The following CEP128 variants were observed in gnomAD, a reference collection of about 807,000 sequenced individuals.
CEP128 encodes centrosomal protein 128kDa.
In CEP128, 132 loss-of-function variants were observed where a neutral mutation model predicts 156.7. That is an observed-to-expected ratio of 0.84 (90% confidence interval 0.73 to 0.97). The LOEUF is 0.97. Among genes scored for constraint, CEP128 ranks in the 50% least tolerant of loss-of-function variants. The pLI, the probability that CEP128 is intolerant of heterozygous loss-of-function variation, is 0.00. For synonymous variants in CEP128, 469 were observed against 448.9 expected, an observed-to-expected ratio of 1.04 and a Z score of -0.57; for missense variants, 1,252 against 1,281.9, an observed-to-expected ratio of 0.98 and a Z score of 0.36.
At chr14:80,882,006 C>T (rs960825382) in intron 8 of CEP128, among the ~76,000 whole-genome samples, 1 of 151,972 alleles carries the variant, frequency 6.6e-6, no homozygotes, top group Admixed American at 6.6e-5. Context: ...ACTAGAAGTC[C>T]TAGCTAGAAT....
chr14:80,769,877 C>A (rs561677108), intron 16 of CEP128, among the ~76,000 whole-genome samples: 1 of 151,990 alleles, frequency 6.6e-6, no homozygotes, highest in Admixed American at 6.6e-5. Flanking sequence ...TTTATGTTTC[C>A]TTTTAGGGTC....
At chr14:80,695,973 T>C (rs906638521) in intron 19 of CEP128, among the ~76,000 whole-genome samples, 32 of 152,158 alleles carry the variant, frequency 2.1e-4, no homozygotes, top group African/African-American at 7.2e-4. Context: ...TCTGGCTTCA[T>C]AGAGAACAGA....
At chr14:80,629,733 T>C (rs1235474021) in intron 19 of CEP128, among the ~76,000 whole-genome samples, 4 of 152,066 alleles carry the variant, frequency 2.6e-5, no homozygotes, top group Non-Finnish European at 5.9e-5. Flanking sequence ...TTTGAGGTTT[T>C]TGGCCCTTGT....
chr14:80,892,230 G>C (rs1889136408), intron 8 of CEP128, among the ~76,000 whole-genome samples: 2 of 151,906 alleles, frequency 1.3e-5, no homozygotes, highest in Non-Finnish European at 2.9e-5. Flanking sequence ...CAATAGAACA[G>C]AACAGAAAAC....
chr14:80,827,769 T>C lies in CEP128; in HGVS notation c.1209+3374A>G, dbSNP rs1001636294. 2.6e-5 allele frequency among the ~76,000 whole-genome samples: 4 copies of C among 152,188 alleles called. No homozygotes were observed. In the East Asian group the frequency reaches 7.7e-4, roughly 29 times the overall value. On this transcript the variant is annotated intron_variant, in intron 13 of 24. Transcript: ENST00000555265. ...ATTCTAAAGCCAGAAGATTAGGAGA[T>C]TGGTGCCCTGCATAAGAGAATAATG...
chr14:80,530,904 A>T lies in CEP128; in HGVS notation c.2881-18T>A. On this transcript the variant is annotated intron_variant, in intron 21 of 24. Coordinates refer to ENST00000555265, the MANE Select transcript of CEP128 (RefSeq NM_152446.5). Reference sequence around the variant, plus strand: ...TGGGTACTCTGAAATAGAAAACATAAGGAAACCAAACATTATAAAAAATTG... The same window carrying T: ...TGGGTACTCTGAAATAGAAAACATATGGAAACCAAACATTATAAAAAATTG... The T allele has an allele frequency of 6.5e-7, 1 of 1,542,514 alleles. No individual in the cohort carries two copies. The highest frequency in any genetic ancestry group is 8.9e-7 in the Non-Finnish European group (1 of 1,127,802).
At chr14:80,493,145 G>A (rs574586162), downstream of CEP128, among the ~76,000 whole-genome samples, 1 of 152,220 alleles carries the variant, frequency 6.6e-6, no homozygotes, top group South Asian at 2.1e-4. Context: ...CAAGTTGTGG[G>A]GTCCTATGGG....
intron 19 of CEP128, among the ~76,000 whole-genome samples, chr14:80,627,492 G>A (rs919942357): frequency 6.6e-6 from 1 of 152,082 alleles, no homozygotes; most frequent in African/African-American, 2.4e-5. Flanking sequence ...GACATTGTAA[G>A]GCCCATTGTA....
chr14:80,641,060 A>T (rs1329998567), intron 19 of CEP128, among the ~76,000 whole-genome samples: 1 of 152,182 alleles, frequency 6.6e-6, no homozygotes, highest in Non-Finnish European at 1.5e-5. Context: ...CCCTTCACAA[A>T]CATGTTCCCG....
chr14:80,894,778 A>T, intron 8 of CEP128: 1 of 302,952 alleles, frequency 3.3e-6, no homozygotes, highest in Non-Finnish European at 6.4e-6. Flanking sequence ...ATTTTCAAAT[A>T]CCCTATTTTC....
chr14:80,584,429 A>G (rs1319156169), intron 19 of CEP128, among the ~76,000 whole-genome samples: 1 of 152,106 alleles, frequency 6.6e-6, no homozygotes, highest in East Asian at 1.9e-4. Flanking sequence ...TACAGGTGTG[A>G]GCCACTGCCT....
chr14:80,642,246 T>A (rs1443438887), intron 19 of CEP128, among the ~76,000 whole-genome samples: 1 of 152,184 alleles, frequency 6.6e-6, no homozygotes, highest in Non-Finnish European at 1.5e-5. Context: ...AAACACCTCA[T>A]TCTAAGAAAA....
intron 19 of CEP128, among the ~76,000 whole-genome samples, chr14:80,594,899 T>C (rs187836305): frequency 6.6e-6 from 1 of 152,320 alleles, no homozygotes; most frequent in Non-Finnish European, 1.5e-5. Flanking sequence ...GTTCAACCAT[T>C]GTGGAAGACA....
At chr14:80,815,492 T>C (rs1884798777) in intron 13 of CEP128, among the ~76,000 whole-genome samples, 1 of 152,204 alleles carries the variant, frequency 6.6e-6, no homozygotes, top group Non-Finnish European at 1.5e-5. Context: ...TACAACCTTA[T>C]GGATTGTAGT....
intron 8 of CEP128, among the ~76,000 whole-genome samples, chr14:80,878,683 A>G (rs1888393510): frequency 6.6e-6 from 1 of 152,022 alleles, no homozygotes; most frequent in Non-Finnish European, 1.5e-5. Context: ...CATGGGTAAG[A>G]ACCACAGCTG....
intron 19 of CEP128, among the ~76,000 whole-genome samples, chr14:80,739,128 C>T (rs1347242473): frequency 6.6e-6 from 1 of 152,154 alleles, no homozygotes; most frequent in Non-Finnish European, 1.5e-5. Context: ...AAATACTCAT[C>T]CTTTCTTTGA....
chr14:80,554,501 C>T (rs1490286981), intron 21 of CEP128, among the ~76,000 whole-genome samples: 1 of 151,792 alleles, frequency 6.6e-6, no homozygotes, highest in African/African-American at 2.4e-5. Flanking sequence ...CTTGGTAGCC[C>T]TTTTCTGATT....
intron 8 of CEP128, among the ~76,000 whole-genome samples, chr14:80,863,750 A>C (rs920032230): frequency 2.6e-5 from 4 of 152,224 alleles, no homozygotes; most frequent in Admixed American, 2.6e-4. Flanking sequence ...AAGTCCTGAC[A>C]AGGAACCTTA....
At chr14:80,856,371 C>A (rs2140135914) in intron 9 of CEP128, among the ~76,000 whole-genome samples, 1 of 152,262 alleles carries the variant, frequency 6.6e-6, no homozygotes, top group East Asian at 1.9e-4. Flanking sequence ...GACGGCCAGG[C>A]ATGGTGGCTC....
Sources: gnomAD v4.1 joint callset for allele counts (sites outside exome capture counted in the v4.1 genomes callset) on GRCh38, gnomAD v4.1.1 for gene constraint, MANE v1.5 for transcripts, NCBI Gene and HGNC (gene_info 2026-07-23, HGNC 2026-07-21) for gene names.